Variants in GLI2 observed in about 807,000 individuals in gnomAD.
The protein encoded by GLI2 is transcription activator GLI2.
Under a neutral mutation model 78.9 loss-of-function variants are expected in GLI2, and 22 were observed. That is an observed-to-expected ratio of 0.28 (90% CI 0.20 to 0.40). GLI2 has a LOEUF of 0.40. GLI2 is among the 10% of genes least tolerant of loss of function. The pLI is 1.00. For synonymous variants in GLI2, 974 were observed against 963.7 expected (o/e 1.01, Z -0.20); for missense variants, 2,097 against 2,213.2 (o/e 0.95, Z 1.05).
At chr2:120,845,346 G>C (rs1400406832) in intron 2 of GLI2, among the ~76,000 whole-genome samples, 2 of 152,182 alleles carry the variant, frequency 1.3e-5, no homozygotes, top group East Asian at 3.9e-4. Context: ...TCATTAAGAC[G>C]ATGACATGTC....
chr2:120,859,156 A>G (rs1206710254), intron 2 of GLI2, among the ~76,000 whole-genome samples: 1 of 152,226 alleles, frequency 6.6e-6, no homozygotes, highest in Non-Finnish European at 1.5e-5. Flanking sequence ...CTGCCTTAGG[A>G]TCTCCAAAAC....
intron 2 of GLI2, among the ~76,000 whole-genome samples, chr2:120,881,448 A>G (rs1218602005): frequency 8.7e-4 from 95 of 108,874 alleles, no homozygotes; most frequent in Non-Finnish European, 4.6e-4. Flanking sequence ...GAGTGGGAGG[A>G]CTGTGGAAGG....
At chr2:120,892,579 T>C (rs1677734488) in intron 2 of GLI2, among the ~76,000 whole-genome samples, 2 of 152,226 alleles carry the variant, frequency 1.3e-5, no homozygotes, top group African/African-American at 4.8e-5. Flanking sequence ...TACTGGATCC[T>C]GCACCTGCGT....
intron 2 of GLI2, among the ~76,000 whole-genome samples, chr2:120,828,443 T>C: frequency 6.6e-6 from 1 of 152,236 alleles, no homozygotes; most frequent in East Asian, 1.9e-4. Context: ...TTTTCTCCTC[T>C]GTGAAAAGAA....
At chr2:120,916,234 A>G (rs1679090091) in intron 2 of GLI2, among the ~76,000 whole-genome samples, 1 of 152,216 alleles carries the variant, frequency 6.6e-6, no homozygotes, top group South Asian at 2.1e-4. Context: ...TACTATGTGT[A>G]TTACATCATG....
intron 2 of GLI2, among the ~76,000 whole-genome samples, chr2:120,894,759 C>T (rs1397057775): frequency 2.0e-5 from 3 of 151,366 alleles, no homozygotes; most frequent in Non-Finnish European, 4.4e-5. Flanking sequence ...AGCGCAGTGG[C>T]GCGATCTTGG....
At chr2:120,789,898 A>G (rs570013697) in intron 1 of GLI2, among the ~76,000 whole-genome samples, 2 of 152,366 alleles carry the variant, frequency 1.3e-5, no homozygotes, top group South Asian at 2.1e-4. Context: ...ATATTGGCCC[A>G]GTAGGAGTAG....
intron 8 of GLI2, among the ~76,000 whole-genome samples, chr2:120,972,819 G>A (rs918477236): frequency 5.9e-5 from 9 of 152,166 alleles, no homozygotes; most frequent in African/African-American, 2.2e-4. Context: ...CTACCACGTG[G>A]CCCAGACCCT....
At chr2:120,894,368 CG>C (rs1369438232) in intron 2 of GLI2, among the ~76,000 whole-genome samples, 7 of 152,220 alleles carry the variant, frequency 4.6e-5, no homozygotes, top group African/African-American at 1.2e-4. Flanking sequence ...CTGGGACCGG[CG>C]TGGCTCCGCT....
At chr2:120,793,695 C>T (rs149122346) in intron 1 of GLI2, among the ~76,000 whole-genome samples, 35 of 152,340 alleles carry the variant, frequency 2.3e-4, no homozygotes, top group Non-Finnish European at 3.4e-4. Context: ...TCCCCACAGG[C>T]GTTCACGAAA....
At chr2:120,790,276 G>A (rs1303106617) in intron 1 of GLI2, among the ~76,000 whole-genome samples, 9 of 152,148 alleles carry the variant, frequency 5.9e-5, no homozygotes, top group Non-Finnish European at 1.2e-4. Flanking sequence ...CACATACATC[G>A]CCACCTTCAA....
chr2:120,955,579 C>T (rs1388826900), intron 5 of GLI2, 149 bp downstream of exon 5: 1 of 605,432 alleles, frequency 1.7e-6, no homozygotes, highest in Non-Finnish European at 2.9e-6. Flanking sequence ...TGTCCACAGG[C>T]ACTGAATCTT....
At chr2:120,964,183 C>G (rs568110555) in intron 5 of GLI2, among the ~76,000 whole-genome samples, 2 of 152,308 alleles carry the variant, frequency 1.3e-5, no homozygotes, top group African/African-American at 4.8e-5. Flanking sequence ...TCCAGGAGGT[C>G]AGGGAAGGCA....
intron 3 of GLI2, among the ~76,000 whole-genome samples, chr2:120,946,327 G>A (rs1157077569): frequency 6.6e-6 from 1 of 152,194 alleles, no homozygotes; most frequent in Non-Finnish European, 1.5e-5. Context: ...GGACTGAGGG[G>A]AGAAGGCAAT....
chr2:120,789,141 C>T (rs1330334484), intron 1 of GLI2, among the ~76,000 whole-genome samples: 1 of 150,160 alleles, frequency 6.7e-6, no homozygotes, highest in Non-Finnish European at 1.5e-5. Context: ...ATGTGATTCT[C>T]CTGCCTCAGC....
At chr2:120,918,022 C>T (rs1558881225) in intron 2 of GLI2, among the ~76,000 whole-genome samples, 1 of 152,228 alleles carries the variant, frequency 6.6e-6, no homozygotes, top group Non-Finnish European at 1.5e-5. Context: ...AAAGCCATGG[C>T]TTTCATCAGT....
intron 2 of GLI2, among the ~76,000 whole-genome samples, chr2:120,883,099 G>T (rs1029946767): frequency 2.0e-5 from 3 of 152,176 alleles, no homozygotes; most frequent in Admixed American, 1.3e-4. Context: ...GTTTAGCTGG[G>T]GCTTTTGAGA....
intron 2 of GLI2, among the ~76,000 whole-genome samples, chr2:120,825,844 G>A (rs1358510325): frequency 6.6e-6 from 1 of 152,254 alleles, no homozygotes. Context: ...GCCAGGAGAT[G>A]TTTGGATAAT....
At chr2:120,968,995 G>A (rs1682005486) in intron 6 of GLI2, 80 bp downstream of exon 6, 1 of 1,086,126 alleles carries the variant, frequency 9.2e-7, no homozygotes, top group Admixed American at 1.9e-5. Context: ...CTTTTCAGTG[G>A]GCGCTTTTGA....
Sources: allele counts gnomAD v4.1 joint callset (sites outside exome capture counted in the v4.1 genomes callset), GRCh38; gene constraint gnomAD v4.1.1; transcripts MANE v1.5; gene names NCBI Gene and HGNC (gene_info 2026-07-23, HGNC 2026-07-21).